The following PLCD1 variants were observed in gnomAD, a reference collection of about 807,000 sequenced individuals.
PLCD1 encodes the protein phospholipase C delta 1.
PLCD1 carries 71 observed loss-of-function variants against 87.4 expected under a neutral mutation model. The observed-to-expected ratio is 0.81, with a 90% CI of 0.67 to 0.99. PLCD1 has a LOEUF of 0.99. PLCD1 is among the 50% of genes least tolerant of loss of function. PLCD1 has a pLI of 0.00. For missense variants in PLCD1, 867 were observed against 1,001.5 expected (o/e 0.87, Z 1.81); for synonymous variants, 348 against 399.2 (o/e 0.87, Z 1.53).
In PLCD1 at chr3:38,010,279, C is replaced by T. The variant is rs375837446; in HGVS notation, c.993-4G>A. ...TCGGCAGCCTTTGCACAGTGCCCTG[C>T]GGGGAGGGTGGTGGCTAGGACCCTC... On this transcript the variant is annotated splice_polypyrimidine_tract_variant and splice_region_variant and intron_variant, in intron 6 of 14. Transcript: ENST00000334661. 5.2e-5 allele frequency: 84 copies of T among 1,614,072 alleles called. No individual in the cohort carries two copies. The highest frequency in any genetic ancestry group is 6.4e-5 in the Non-Finnish European group (76 of 1,180,028).
chr3:38,007,946 GC>G, intron 14 of PLCD1, 67 bp downstream of exon 14: 1 of 1,607,970 alleles, frequency 6.2e-7, no homozygotes, highest in African/African-American at 1.3e-5. Flanking sequence ...GGGACAGCCA[GC>G]CCCAGCCCAA....
At chr3:38,024,582 G>A (rs1700283941) in intron 1 of PLCD1, 2 of 1,509,578 alleles carry the variant, frequency 1.3e-6, no homozygotes, top group Admixed American at 2.0e-5. Flanking sequence ...GGAATGGGAG[G>A]GAGGAGCTAG....
At chr3:38,028,507 C>T (rs1235529628) in intron 1 of PLCD1, among the ~76,000 whole-genome samples, 1 of 152,212 alleles carries the variant, frequency 6.6e-6, no homozygotes, top group Admixed American at 6.5e-5. Flanking sequence ...TTCTCTTTCC[C>T]ATCTATTATG....
At chr3:38,012,027 TTTTC>T (rs1387556128) in intron 3 of PLCD1, among the ~76,000 whole-genome samples, 1 of 141,638 alleles carries the variant, frequency 7.1e-6, no homozygotes. Context: ...CTGGTTTTCC[TTTTC>T]TTTTTTTTTT....
rs1700188217 is a variant in PLCD1 at position 38,018,435 on chromosome 3, C to A, written c.200-1716G>T. 1.3e-5 allele frequency among the ~76,000 whole-genome samples: 2 copies of A among 152,130 alleles called. No homozygotes were observed. Among genetic ancestry groups the A allele is most frequent in the African/African-American group, 4.8e-5 (2 of 41,424 alleles). Reference sequence around the variant, plus strand: ...CCTCCCACTCATGCCTGTTCCTCCTCCTCACCCTGCACCTTGGCTCACACT... The same window carrying A: ...CCTCCCACTCATGCCTGTTCCTCCTACTCACCCTGCACCTTGGCTCACACT... On this transcript the variant is annotated intron_variant, in intron 2 of 14. Transcript: ENST00000334661. The surrounding 1 kb of genome is among the most constrained non-coding windows in gnomAD (Gnocchi z 5.7).
chr3:38,013,226 T>C (rs1243829401), intron 3 of PLCD1, among the ~76,000 whole-genome samples: 1 of 147,442 alleles, frequency 6.8e-6, no homozygotes, highest in Non-Finnish European at 1.5e-5. Context: ...TTTTTTTTTT[T>C]TCCTGAGACG....
In PLCD1 at chr3:38,010,228, C is replaced by A; in HGVS notation, c.1040G>T (p.Gly347Val). Reference protein sequence around the residue: ...CRCLELDCWDGPNQEPIIYHG... With the variant: ...CRCLELDCWDVPNQEPIIYHG... The stretch of plus-strand genomic sequence containing the variant: ...GTAGATGATTGGTTCCTGGTTGGGC[C>A]CGTCCCAGCAGTCAAGCTCCAGGCA... Residue 347 changes from glycine (G) to valine (V), a missense_variant, in exon 7 of 15, where the codon GGG (glycine) becomes GTG (valine). Physicochemically the swap from Gly to Val is moderately radical, Grantham distance 109. Coordinates refer to ENST00000334661, the MANE Select transcript of PLCD1 (RefSeq NM_006225.4). 6.2e-7 allele frequency: 1 copy of A among 1,614,220 alleles called. No homozygotes were observed. The highest frequency in any genetic ancestry group is 8.5e-7 in the Non-Finnish European group (1 of 1,180,034).
chr3:38,026,297 T>G (rs1340083460), intron 1 of PLCD1, among the ~76,000 whole-genome samples: 1 of 152,184 alleles, frequency 6.6e-6, no homozygotes, highest in Non-Finnish European at 1.5e-5. Context: ...GGTAGGAGGA[T>G]CACTTAAGGT....
intron 1 of PLCD1, among the ~76,000 whole-genome samples, chr3:38,022,597 C>T (rs1700251086): frequency 6.6e-6 from 1 of 152,206 alleles, no homozygotes; most frequent in African/African-American, 2.4e-5. Flanking sequence ...TGTCCTGGAG[C>T]CAGGCTGTGG....
Position 38,017,850 on chromosome 3 carries a change from G to T in PLCD1, c.200-1131C>A, listed in dbSNP as rs1260128182. 6.6e-6 allele frequency among the ~76,000 whole-genome samples: 1 copy of T among 152,208 alleles called. No individual in the cohort carries two copies. Among genetic ancestry groups the T allele is most frequent in the Non-Finnish European group, 1.5e-5 (1 of 68,026 alleles). ...AGGCTTTGAGGAGTGGGACACATGA[G>T]CCCAGGGCCATGTGGGGGACAGAGG... On this transcript the variant is annotated intron_variant, in intron 2 of 14. Coordinates refer to ENST00000334661, the MANE Select transcript of PLCD1 (RefSeq NM_006225.4). The surrounding 1 kb of genome is among the most constrained non-coding windows in gnomAD (Gnocchi z 4.7).
intron 1 of PLCD1, chr3:38,024,525 CG>C (rs1353544633): frequency 6.6e-7 from 1 of 1,521,668 alleles, no homozygotes; most frequent in Non-Finnish European, 8.8e-7. Flanking sequence ...TGCTCTGGTC[CG>C]GGGGGCGGAA....
chr3:38,028,755 G>A (rs6769021), intron 1 of PLCD1, among the ~76,000 whole-genome samples: 10,784 of 152,134 alleles, frequency 0.071, 713 homozygotes, highest in African/African-American at 0.18. Flanking sequence ...CTCCCAGAAG[G>A]CCTCCAGATC....
chr3:38,008,363 A>G lies in PLCD1; in HGVS notation c.1907T>C (p.Ile636Thr). ...GACTTTTGGCAGCTGCTGCCCCGAA[A>G]TGACCTGAGGAAAGGCAGAGGACAA... is the stretch of plus-strand genomic sequence containing the variant. The part of the protein sequence containing the change: ...WARKRLNIRV[I>T]SGQQLPKVNK... The change falls in exon 13 of 15, where the codon ATT becomes ACT. Residue 636 changes from isoleucine (I) to threonine (T), a missense_variant. By Grantham distance (89) the Ile-to-Thr change is moderately conservative. Coordinates refer to ENST00000334661, the MANE Select transcript of PLCD1 (RefSeq NM_006225.4). 1 of 1,614,206 alleles carries G rather than the reference A, an allele frequency of 6.2e-7. No individual in the cohort carries two copies.
At chr3:38,024,482 C>T (rs1221855017) in intron 1 of PLCD1, 5 of 1,577,222 alleles carry the variant, frequency 3.2e-6, no homozygotes, top group South Asian at 2.3e-5. Context: ...CGGGGCAGTG[C>T]CGCCTCCAGT....
Position 38,020,285 on chromosome 3 carries a change from G to C in PLCD1, c.102C>G (p.Ser34Arg), listed in dbSNP as rs112172914. Residue 34 changes from serine to arginine, a missense_variant, in exon 2 of 15, where the codon AGC becomes AGG. Physicochemically the swap from Ser to Arg is moderately radical, Grantham distance 110 (BLOSUM62 -1). Coordinates refer to ENST00000334661, the MANE Select transcript of PLCD1 (RefSeq NM_006225.4). ...KGSQLLKVKS[S>R]SWRRERFYKL... ...TGTAGAAGCGCTCTCTCCTCCATGA[G>C]CTGGACTTCACCTTCAGGAGCTGGC... The C allele has an allele frequency of 1.2e-6, 2 of 1,613,996 alleles. No homozygotes were observed. The highest frequency in any genetic ancestry group is 4.5e-5 in the East Asian group (2 of 44,874).
chr3:38,026,388 C>T (rs891238155), intron 1 of PLCD1, among the ~76,000 whole-genome samples: 1 of 151,974 alleles, frequency 6.6e-6, no homozygotes, highest in Non-Finnish European at 1.5e-5. Flanking sequence ...GCGTGGCGGC[C>T]GGCACCTGTA....
At chr3:38,024,350 A>G in intron 1 of PLCD1, 1 of 1,612,882 alleles carries the variant, frequency 6.2e-7, no homozygotes, top group Non-Finnish European at 8.5e-7. Flanking sequence ...GCCTCCGTCC[A>G]TTGAGCGCCG....
In PLCD1 at chr3:38,009,941, G is replaced by C. The variant is rs200255245; in HGVS notation, c.1250C>G (p.Pro417Arg). 853 of 1,612,910 alleles carry C rather than the reference G, an allele frequency of 5.3e-4. 1 individual carries two copies. Among genetic ancestry groups the C allele is most frequent in the Admixed American group, 9.0e-4 (54 of 59,948 alleles). Residue 417 changes from proline to arginine, a missense_variant, in exon 8 of 15, where the codon CCA (proline) becomes CGA (arginine). Physicochemically the swap from Pro to Arg is moderately radical, Grantham distance 103. Transcript: ENST00000334661. ...AILGPMLLNR[P>R]LDGVTNSLPS... is the part of the protein sequence containing the mutation. ...CAGGCTGTTGGTGACCCCATCCAGT[G>C]GTCGGTTCAACAGCATGGGGCCCAG... is the stretch of plus-strand genomic sequence containing the variant.
rs977920800 is a variant in PLCD1, at chr3:38,016,801, TAG to T, written c.200-84_200-83del. On this transcript the variant is annotated intron_variant, in intron 2 of 14. Transcript: ENST00000334661. ...GACCCTGACATGGCCAAGGCCACAG[TAG>T]AGAGGGGCATGGCTTGGAGACACAG... 10 of 973,464 alleles carry T rather than the reference TAG, an allele frequency of 1.0e-5. No individual in the cohort carries two copies. The African/African-American group carries it at 1.1e-4, about 11-fold the overall frequency. 60.3% of individuals were successfully genotyped at this position (973,464 alleles called of 1,614,324 possible).
Sources: gnomAD v4.1 joint callset for allele counts (sites outside exome capture counted in the v4.1 genomes callset) on GRCh38, gnomAD v4.1.1 for gene constraint, Gnocchi (gnomAD v3.1) non-coding constraint, MANE v1.5 for transcripts, NCBI Gene and HGNC (gene_info 2026-07-23, HGNC 2026-07-21) for gene names.